Variants in NCOA2 observed in about 807,000 individuals in gnomAD.
The protein encoded by NCOA2 is nuclear receptor coactivator 2, also known as class E basic helix-loop-helix protein 75.
Under a neutral mutation model 145.1 loss-of-function variants are expected in NCOA2, and 21 were observed. That is an observed-to-expected ratio of 0.14 (90% CI 0.10 to 0.21). The LOEUF is 0.21. Ranked by LOEUF, NCOA2 falls within the 10% of genes least tolerant of loss-of-function variation. The probability of loss-of-function intolerance (pLI) is 1.00; values close to 1 mark genes in which losing one functional copy is unlikely to be tolerated. For synonymous variants in NCOA2, 619 were observed against 637.5 expected (o/e 0.97, Z 0.44); for missense variants, 1,472 against 1,837.6 (o/e 0.80, Z 3.64).
intron 1 of NCOA2, among the ~76,000 whole-genome samples, chr8:70,397,890 T>C (rs2131740633): frequency 6.6e-6 from 1 of 152,326 alleles, no homozygotes; most frequent in Middle Eastern, 3.4e-3. Context: ...GTGCTGACAT[T>C]ATATAATTAA....
upstream of NCOA2, among the ~76,000 whole-genome samples, chr8:70,407,643 A>C (rs189671868): frequency 3.6e-3 from 548 of 152,106 alleles, 10 homozygotes; most frequent in African/African-American, 7.2e-3. Context: ...AAAAAAAAAA[A>C]AAAATTAGCT....
chr8:70,408,650 G>T (rs1268260030), upstream of NCOA2, among the ~76,000 whole-genome samples: 1 of 151,646 alleles, frequency 6.6e-6, no homozygotes, highest in African/African-American at 2.4e-5. Context: ...GTTAATTTTT[G>T]TGTGTGTGTG....
intron 12 of NCOA2, 135 bp downstream of exon 12, chr8:70,148,138 G>T: frequency 1.3e-6 from 1 of 795,932 alleles, no homozygotes; most frequent in Non-Finnish European, 2.1e-6. Context: ...CAAAAGACCA[G>T]GACAGTAGAT....
chr8:70,404,086 G>A (rs1328389263), upstream of NCOA2, among the ~76,000 whole-genome samples: 2 of 152,206 alleles, frequency 1.3e-5, no homozygotes, highest in Non-Finnish European at 2.9e-5. Context: ...AGCAGCCCCT[G>A]GCCGCGGGGT....
chr8:70,340,646 T>C (rs1464638079), intron 1 of NCOA2, among the ~76,000 whole-genome samples: 1 of 152,188 alleles, frequency 6.6e-6, no homozygotes, highest in Non-Finnish European at 1.5e-5. Flanking sequence ...CATGTATGCA[T>C]ATGTTCACTG....
intron 1 of NCOA2, among the ~76,000 whole-genome samples, chr8:70,331,000 C>G (rs1054629943): frequency 6.6e-6 from 1 of 151,610 alleles, no homozygotes; most frequent in African/African-American, 2.4e-5. Context: ...TAAAGCCTCC[C>G]GTACTCCCAC....
In NCOA2 at chr8:70,112,811, A is replaced by G. The variant is rs750307947; in HGVS notation, c.*821T>C. 61 of 209,228 alleles carry G rather than the reference A, an allele frequency of 2.9e-4. No individual in the cohort carries two copies. The highest frequency in any genetic ancestry group is 5.1e-4 in the Non-Finnish European group (53 of 102,998). 13.0% of individuals were successfully genotyped at this position (209,228 alleles called of 1,614,324 possible). A position where few individuals can be genotyped will look rare whatever the true frequency, so the allele number is the denominator to read the frequency against. On this transcript the variant is annotated 3_prime_UTR_variant, in exon 23 of 23. Transcript: ENST00000452400. ...AGGGGAAGGGAAGAGTCAGGCTGAC[A>G]GGGAAGAAGAGATGCTGATTCAAGC...
In NCOA2 at chr8:70,133,200, C is replaced by CTTTTTTTTTTTTT. The variant is rs57813061; in HGVS notation, c.3159-1211_3159-1199dup. Among the ~76,000 whole-genome samples, 27 of 106,968 alleles carry CTTTTTTTTTTTTT rather than the reference C, an allele frequency of 2.5e-4. 1 individual carries two copies. Among genetic ancestry groups the CTTTTTTTTTTTTT allele is most frequent in the African/African-American group, 1.0e-3 (25 of 24,858 alleles). 70.2% of individuals were successfully genotyped at this position (106,968 alleles called of 152,430 possible). ...TGTGTGCCACCACAACTGGCTGCTACTTTTTTTTTTTTTTTTTTTTGGTAA... is the reference window on the plus strand; with the variant it reads ...TGTGTGCCACCACAACTGGCTGCTACTTTTTTTTTTTTTTTTTTTTTTTTTTTTTTTTTGGTAA... On this transcript the variant is annotated intron_variant, in intron 15 of 22. Coordinates refer to ENST00000452400, the MANE Select transcript of NCOA2 (RefSeq NM_006540.4).
intron 2 of NCOA2, chr8:70,273,471 C>T: frequency 1.6e-6 from 1 of 630,854 alleles, no homozygotes; most frequent in Non-Finnish European, 2.8e-6. Flanking sequence ...GTTCACAGAA[C>T]AGCCACAGCA....
At chr8:70,334,008 T>C in intron 1 of NCOA2, among the ~76,000 whole-genome samples, 1 of 152,194 alleles carries the variant, frequency 6.6e-6, no homozygotes, top group South Asian at 2.1e-4. Flanking sequence ...CTTTTCACTC[T>C]TCAATAGCCT....
Position 70,216,701 on chromosome 8 carries a change from C to G in NCOA2, c.45G>C (p.Glu15Asp), listed in dbSNP as rs368742557. The G allele has an allele frequency of 3.1e-6, 5 of 1,613,766 alleles. No homozygotes were observed. In the African/African-American group the frequency reaches 6.7e-5, roughly 22 times the overall value. ...CAGGACATTCCTTGCGCTTTCTTGT[C>G]TCTGCCCTGGAGGGGTCAGAGGTAT... ...GENTSDPSRA[E>D]TRKRKECPDQ... Residue 15 changes from glutamate (E) to aspartate (D), a missense_variant, in exon 3 of 23, where the codon GAG becomes GAC. This residue lies in a region of NCOA2 where 284 missense variants were observed against 467.8 expected (regional missense o/e 0.61). Coordinates refer to ENST00000452400, the MANE Select transcript of NCOA2 (RefSeq NM_006540.4).
intron 1 of NCOA2, among the ~76,000 whole-genome samples, chr8:70,312,520 T>G (rs918698324): frequency 2.0e-5 from 3 of 151,820 alleles, no homozygotes; most frequent in Non-Finnish European, 4.4e-5. Flanking sequence ...TACTTCAGAC[T>G]TTTTATAAAA....
At chr8:70,420,103 G>A in the NCOA2 span, among the ~76,000 whole-genome samples, 6 of 152,212 alleles carry the variant, frequency 3.9e-5, no homozygotes, top group South Asian at 8.3e-4. Flanking sequence ...TCTGGCACAG[G>A]GCAGGTTTTT....
intron 1 of NCOA2, among the ~76,000 whole-genome samples, chr8:70,336,618 GAGAA>G (rs1807620484): frequency 6.6e-6 from 1 of 152,034 alleles, no homozygotes; most frequent in African/African-American, 2.4e-5. Context: ...GAGAGGGAGA[GAGAA>G]AGAGAGAGAG....
chr8:70,312,794 T>C (rs936827532), intron 1 of NCOA2, among the ~76,000 whole-genome samples: 2 of 152,150 alleles, frequency 1.3e-5, no homozygotes, highest in African/African-American at 4.8e-5. Flanking sequence ...CAACAGCAAC[T>C]TGGAATAGAG....
rs1808238082 is a variant in NCOA2 at position 70,124,863 on chromosome 8, T to C, written c.3919A>G (p.Ile1307Val). The C allele has an allele frequency of 6.4e-7, 1 of 1,574,562 alleles. No individual in the cohort carries two copies. The highest frequency in any genetic ancestry group is 8.6e-7 in the Non-Finnish European group (1 of 1,166,826). ...QQFPFPPNYG[I>V]SQQPDPGFTG... ...AAGCCTGGATCAGGTTGCTGACTTA[T>C]TCCTTAAAAAAAAAAACAGAAACAG... is the stretch of plus-strand genomic sequence containing the variant. Residue 1307 changes from isoleucine to valine, a missense_variant and splice_region_variant, in exon 20 of 23, where the codon ATA becomes GTA. Ile to Val is a conservative substitution (Grantham distance 29). This residue lies in a region of NCOA2 where 232 missense variants were observed against 290.6 expected (regional missense o/e 0.80). Transcript: ENST00000452400.
intron 1 of NCOA2, among the ~76,000 whole-genome samples, chr8:70,376,327 A>G (rs544427840): frequency 1.7e-4 from 26 of 152,192 alleles, no homozygotes; most frequent in African/African-American, 6.0e-4. Flanking sequence ...GTGCAACCAT[A>G]GTAAAAAATA....
At chr8:70,421,974 A>G in the NCOA2 span, among the ~76,000 whole-genome samples, 5 of 152,016 alleles carry the variant, frequency 3.3e-5, no homozygotes, top group Non-Finnish European at 7.4e-5. Flanking sequence ...GTGTGCCTGT[A>G]ATCCCAGCTA....
rs780225619 is a variant in NCOA2 at position 70,305,049 on chromosome 8, CT to C, written c.-76-8250del. On this transcript the variant is annotated intron_variant, in intron 1 of 22. Coordinates refer to ENST00000452400, the MANE Select transcript of NCOA2 (RefSeq NM_006540.4). ...TGATTTTCATATTTATTTATTCATT[CT>C]TTTTTTTTTTTTTTTTGTAGAGATG... Among the ~76,000 whole-genome samples, 1,064 of 128,352 alleles carry C rather than the reference CT, an allele frequency of 8.3e-3. 15 individuals are homozygous for C. Among genetic ancestry groups the C allele is most frequent in the African/African-American group, 0.028 (933 of 33,788 alleles). The allele number at this position is 128,352 out of a possible 152,430, so 84.2% of individuals were successfully genotyped here.
Sources: gnomAD v4.1 joint callset for allele counts (sites outside exome capture counted in the v4.1 genomes callset) on GRCh38, gnomAD v4.1.1 for gene constraint, gnomAD v4.1.1 regional missense constraint, MANE v1.5 for transcripts, NCBI Gene and HGNC (gene_info 2026-07-23, HGNC 2026-07-21) for gene names.